The following NAV3 variants were observed in gnomAD, a reference collection of about 807,000 sequenced individuals.
The protein encoded by NAV3 is neuron navigator 3.
In NAV3, 87 loss-of-function variants were observed where a neutral mutation model predicts 244.7. The ratio of observed to expected loss-of-function variants is 0.36; its 90% CI spans 0.30 to 0.42. NAV3 has a LOEUF of 0.42. NAV3 is among the 20% of genes least tolerant of loss of function. NAV3 has a pLI of 1.00. For synonymous variants in NAV3, 1,126 were observed against 1,042.2 expected, an observed-to-expected ratio of 1.08 and a Z score of -1.55; for missense variants, 2,663 against 2,893.3, an observed-to-expected ratio of 0.92 and a Z score of 1.83.
At chr12:78,198,130 A>G (rs1959213385) in intron 35 of NAV3, among the ~76,000 whole-genome samples, 1 of 151,920 alleles carries the variant, frequency 6.6e-6, no homozygotes, top group South Asian at 2.1e-4. Flanking sequence ...TAATAGTGTC[A>G]AATATTCCAA....
chr12:78,190,478 G>GC (rs1958926145), intron 34 of NAV3, among the ~76,000 whole-genome samples: 1 of 151,934 alleles, frequency 6.6e-6, no homozygotes, highest in African/African-American at 2.4e-5. Context: ...GTCTCCTATG[G>GC]CATGGTTTCT....
In NAV3 at chr12:78,207,080, T is replaced by G. The variant is rs1219552386; in HGVS notation, c.7038+1942T>G. On this transcript the variant is annotated intron_variant, in intron 39 of 39. Transcript: ENST00000397909. ...TCTATGTTGATCAGACTGGTGACGA[T>G]CTATCTGTTTTTATTTCTATGTATT... 2.0e-5 allele frequency among the ~76,000 whole-genome samples: 3 copies of G among 152,094 alleles called. No homozygotes were observed. The East Asian group carries it at 5.8e-4, about 29-fold the overall frequency.
At chr12:77,728,748 C>T (rs1206425171) in intron 2 of NAV3, among the ~76,000 whole-genome samples, 1 of 151,608 alleles carries the variant, frequency 6.6e-6, no homozygotes, top group East Asian at 1.9e-4. Context: ...TATAGTTGAC[C>T]CTGGAATAGC....
intron 16 of NAV3, among the ~76,000 whole-genome samples, 192 bp from the exon 17 acceptor site, chr12:78,126,975 G>A (rs1038448009): frequency 1.3e-5 from 2 of 152,182 alleles, no homozygotes; most frequent in Non-Finnish European, 2.9e-5. Flanking sequence ...TACTGCATTA[G>A]AAAGGAACTC....
intron 12 of NAV3, among the ~76,000 whole-genome samples, chr12:78,086,106 C>G (rs890037823): frequency 1.3e-5 from 2 of 151,984 alleles, no homozygotes; most frequent in Non-Finnish European, 2.9e-5. Context: ...TTAACACTGG[C>G]GTTTACCCGT....
chr12:78,014,189 G>C (rs1353929364), intron 8 of NAV3, among the ~76,000 whole-genome samples: 1 of 151,844 alleles, frequency 6.6e-6, no homozygotes, highest in Non-Finnish European at 1.5e-5. Context: ...CTCCAACAAA[G>C]TTTTGAAATA....
intron 2 of NAV3, among the ~76,000 whole-genome samples, chr12:77,628,332 T>C (rs1871729645): frequency 6.6e-6 from 1 of 152,046 alleles, no homozygotes; most frequent in Non-Finnish European, 1.5e-5. Flanking sequence ...AAAGAGATGG[T>C]TTCAGAAGCA....
chr12:78,187,286 C>G (rs186918306), intron 31 of NAV3, among the ~76,000 whole-genome samples: 1 of 151,884 alleles, frequency 6.6e-6, no homozygotes, highest in Admixed American at 6.6e-5. Context: ...TACCTAAGGT[C>G]ACATTTCTTA....
chr12:78,058,354 C>G (rs1260331498), intron 11 of NAV3, among the ~76,000 whole-genome samples: 1 of 152,094 alleles, frequency 6.6e-6, no homozygotes, highest in Non-Finnish European at 1.5e-5. Context: ...AAGGGAACTC[C>G]CATTTATAAA....
At chr12:77,963,547 A>C (rs1892222005) in intron 3 of NAV3, among the ~76,000 whole-genome samples, 1 of 152,164 alleles carries the variant, frequency 6.6e-6, no homozygotes, top group Non-Finnish European at 1.5e-5. Flanking sequence ...GAGAAAATAA[A>C]TTTTGGTAAA....
chr12:78,166,037 T>C (rs780216027), intron 23 of NAV3, among the ~76,000 whole-genome samples: 10 of 151,448 alleles, frequency 6.6e-5, no homozygotes, highest in South Asian at 2.1e-4. Context: ...GAAACATCTG[T>C]TTAACACAGA....
chr12:77,988,337 C>T (rs1034743285), intron 5 of NAV3, among the ~76,000 whole-genome samples: 5 of 152,220 alleles, frequency 3.3e-5, no homozygotes, highest in Middle Eastern at 3.4e-3. Context: ...GCCCTGTTTA[C>T]CTTAAAAAGC....
chr12:78,137,181 C>A lies in NAV3; in HGVS notation c.4446C>A (p.Ser1482Arg). ...TCTGTGTGTTTTGTTTTTCAGTGAG[C>A]CCAACAAATTTGTCTCAGTTTAACC... Reference protein sequence around the residue: ...AGKYHFSNLVSPTNLSQFNLP... With the variant: ...AGKYHFSNLVRPTNLSQFNLP... Residue 1482 changes from serine to arginine, a missense_variant, in exon 19 of 40, where the codon AGC becomes AGA. Around this residue, in one of 6 missense-constraint regions of NAV3, gnomAD observed 354 missense variants for 413.0 expected, o/e 0.86. Coordinates refer to ENST00000397909, the MANE Select transcript of NAV3 (RefSeq NM_001024383.2). 1 of 1,608,128 alleles carries A rather than the reference C, an allele frequency of 6.2e-7. No individual in the cohort carries two copies. Among genetic ancestry groups the A allele is most frequent in the Non-Finnish European group, 8.5e-7 (1 of 1,177,306 alleles).
intron 21 of NAV3, 110 bp from the exon 22 acceptor site, chr12:78,148,732 A>T: frequency 1.2e-6 from 1 of 841,854 alleles, no homozygotes; most frequent in Non-Finnish European, 1.9e-6. Flanking sequence ...TGCTGCTGAT[A>T]CAATGGGGTT....
intron 2 of NAV3, among the ~76,000 whole-genome samples, chr12:77,598,524 A>G (rs757636206): frequency 5.9e-5 from 9 of 151,960 alleles, no homozygotes; most frequent in Non-Finnish European, 1.2e-4. Flanking sequence ...GTCCTTCAGA[A>G]ATCCTGTAAC....
intron 2 of NAV3, 76 bp from the exon 3 acceptor site, chr12:77,941,005 T>C (rs886455237): frequency 1.1e-6 from 1 of 936,304 alleles, no homozygotes; most frequent in Non-Finnish European, 1.7e-6. Context: ...TTTCCTGTTT[T>C]CGTGTGTGTG....
chr12:78,156,704 G>C (rs1484056388), intron 22 of NAV3, among the ~76,000 whole-genome samples: 1 of 152,010 alleles, frequency 6.6e-6, no homozygotes, highest in Non-Finnish European at 1.5e-5. Context: ...AAGGGTTTCT[G>C]CCATAATTTT....
intron 21 of NAV3, among the ~76,000 whole-genome samples, chr12:78,148,368 A>C (rs1418283272): frequency 6.6e-6 from 1 of 152,098 alleles, no homozygotes; most frequent in African/African-American, 2.4e-5. Context: ...GCCTTTGAGA[A>C]GTTTTCAAAC....
At chr12:77,841,729 A>T (rs753859917) in intron 1 of NAV3, among the ~76,000 whole-genome samples, 41 of 152,204 alleles carry the variant, frequency 2.7e-4, no homozygotes, top group Non-Finnish European at 5.0e-4. Context: ...CATATATACT[A>T]ACTGGCCATT....
Sources: gnomAD v4.1 joint callset for allele counts (sites outside exome capture counted in the v4.1 genomes callset) on GRCh38, gnomAD v4.1.1 for gene constraint, gnomAD v4.1.1 regional missense constraint, MANE v1.5 for transcripts, NCBI Gene and HGNC (gene_info 2026-07-23, HGNC 2026-07-21) for gene names.